The following ANK1 variants were observed in gnomAD, a reference collection of about 807,000 sequenced individuals.
ANK1 encodes the protein ankyrin-1.
A neutral mutation model predicts 210.4 loss-of-function variants in ANK1; 51 were observed. That is an observed-to-expected ratio of 0.24 (90% confidence interval 0.19 to 0.31). The LOEUF (loss-of-function observed/expected upper bound fraction) is 0.31. ANK1 is among the 10% of genes least tolerant of loss of function. ANK1 has a pLI of 1.00. For missense variants in ANK1, 2,051 were observed against 2,504.4 expected (o/e 0.82, Z 3.86); for synonymous variants, 967 against 1,025.9 (o/e 0.94, Z 1.10).
chr8:41,802,995 G>GAGAAAGAGAGAAAGAGAGAAAGAA, intron 1 of ANK1, among the ~76,000 whole-genome samples: 1 of 57,532 alleles, frequency 1.7e-5, no homozygotes, highest in Middle Eastern at 0.01. Context: ...GAGAGAAAGA[G>GAGAAAGAGAGAAAGAGAGAAAGAA]AGAAAGAAAG....
intron 42 of ANK1, chr8:41,660,340 C>G (rs745579447): frequency 1.8e-5 from 8 of 440,410 alleles, no homozygotes; most frequent in Non-Finnish European, 3.6e-5. Flanking sequence ...CCTTGCTGCT[C>G]GGTCCCAGAG....
chr8:41,771,912 G>A lies in ANK1; in HGVS notation c.28-13775C>T, dbSNP rs367954930. ...CTGTCAATTCCTGCAGGGATTTCAC[G>A]AGCTGGAAGAACACAAGCCTGCAGC... On this transcript the variant is annotated intron_variant, in intron 1 of 42. Transcript: ENST00000289734. 6.6e-5 allele frequency among the ~76,000 whole-genome samples: 10 copies of A among 152,194 alleles called. No homozygotes were observed. In the East Asian group the frequency reaches 1.2e-3, roughly 18 times the overall value.
At chr8:41,695,393 G>C (rs1820594871) in intron 26 of ANK1, 62 bp from the exon 27 acceptor site, 2 of 1,606,984 alleles carry the variant, frequency 1.2e-6, no homozygotes, top group Admixed American at 1.7e-5. Flanking sequence ...GGCACAGGGA[G>C]GGATGGGGCT....
chr8:41,715,740 G>C lies in ANK1; in HGVS notation c.1514C>G (p.Thr505Ser). 1 of 1,614,210 alleles carries C rather than the reference G, an allele frequency of 6.2e-7. No homozygotes were observed. Among genetic ancestry groups the C allele is most frequent in the Non-Finnish European group, 8.5e-7 (1 of 1,180,044 alleles). Residue 505 changes from threonine (T) to serine (S), a missense_variant, in exon 14 of 43, where the codon ACC becomes AGC. Physicochemically the swap from Thr to Ser is moderately conservative, Grantham distance 58 (BLOSUM62 1). Transcript: ENST00000289734. Reference sequence around the variant, plus strand: ...CTCACGGGCTGCAATGTGCAGGGGGGTGTGCCCGGCGGTGGTGGCCAGGTT... The same window carrying C: ...CTCACGGGCTGCAATGTGCAGGGGGCTGTGCCCGGCGGTGGTGGCCAGGTT... The part of the protein sequence containing the change: ...NPNLATTAGH[T>S]PLHIAAREGH...
chr8:41,858,028 G>A (rs1812541121), intron 1 of ANK1, among the ~76,000 whole-genome samples: 1 of 152,066 alleles, frequency 6.6e-6, no homozygotes, highest in Admixed American at 6.5e-5. Flanking sequence ...AGGAGTTTGA[G>A]GCCATCCTGG....
chr8:41,780,482 G>A (rs1845051037), intron 1 of ANK1, among the ~76,000 whole-genome samples: 1 of 152,228 alleles, frequency 6.6e-6, no homozygotes, highest in African/African-American at 2.4e-5. Flanking sequence ...TCTTCTCTGG[G>A]GGGTGAGACG....
intron 27 of ANK1, 53 bp downstream of exon 27, chr8:41,695,124 C>G: frequency 6.2e-7 from 1 of 1,611,812 alleles, no homozygotes; most frequent in Middle Eastern, 1.6e-4. Flanking sequence ...AGGTGCAACT[C>G]AAACCCCTCT....
chr8:41,896,560 G>A, exon 1 of ANK1: 2 of 1,502,196 alleles, frequency 1.3e-6, no homozygotes, highest in East Asian at 2.7e-5. Context: ...CCTAAGAAGG[G>A]GAAGGGGGTC....
At chr8:41,822,962 G>A (rs1381259594) in intron 1 of ANK1, among the ~76,000 whole-genome samples, 2 of 152,182 alleles carry the variant, frequency 1.3e-5, no homozygotes, top group African/African-American at 2.4e-5. Context: ...GCTGAGCACC[G>A]CTGAGCCTGC....
At chr8:41,868,107 C>T (rs1268850136) in intron 1 of ANK1, among the ~76,000 whole-genome samples, 2 of 152,228 alleles carry the variant, frequency 1.3e-5, no homozygotes. Context: ...GATCCACCAG[C>T]CTTGGCCTCC....
chr8:41,712,848 A>T (rs1826522248), intron 16 of ANK1, among the ~76,000 whole-genome samples: 1 of 152,156 alleles, frequency 6.6e-6, no homozygotes, highest in Admixed American at 6.5e-5. Context: ...CGTTCCTTTT[A>T]TATAAGTAGG....
At chr8:41,806,051 G>A (rs904568718) in intron 1 of ANK1, among the ~76,000 whole-genome samples, 11 of 152,218 alleles carry the variant, frequency 7.2e-5, no homozygotes, top group African/African-American at 2.7e-4. Context: ...TTGCAAGAGA[G>A]GGAAAGTGAA....
chr8:41,704,374 C>T lies in ANK1; in HGVS notation c.2196G>A (p.Lys732=). Residue 732 remains lysine (K), a splice_region_variant and synonymous_variant, in exon 19 of 43, where the codon AAG becomes AAA. Coordinates refer to ENST00000289734, the MANE Select transcript of ANK1 (RefSeq NM_000037.4). This position sits in a 1 kb window ranked among gnomAD's most constrained non-coding sequence, Gnocchi z 4.1. ...QHQADVNAKT[K]LGYSPLHQAA... ...AGTCGGGGCTGGGGCACCCCTGTACCTTGGTCTTGGCATTGACATCTGCCT... is the reference window on the plus strand; with the variant it reads ...AGTCGGGGCTGGGGCACCCCTGTACTTTGGTCTTGGCATTGACATCTGCCT... The T allele has an allele frequency of 6.2e-7, 1 of 1,614,004 alleles. No individual in the cohort carries two copies. The highest frequency in any genetic ancestry group is 1.7e-5 in the Admixed American group (1 of 60,030).
At position 41,694,573 on chromosome 8, in the gene ANK1, C is replaced by A. The variant is rs200871595; in HGVS notation, c.3327+19G>T. On this transcript the variant is annotated intron_variant, in intron 28 of 42. Coordinates refer to ENST00000289734, the MANE Select transcript of ANK1 (RefSeq NM_000037.4). This position sits in a 1 kb window ranked among gnomAD's most constrained non-coding sequence, Gnocchi z 5.7. ...AGTTCAGTCCACCCCCAGGACCTGG[C>A]GGGGAGGAGGGCTGTCACCTGCAGA... The A allele has an allele frequency of 8.6e-4, 1,385 of 1,608,394 alleles. 1 individual carries two copies. Among genetic ancestry groups the A allele is most frequent in the Non-Finnish European group, 1.1e-3 (1,273 of 1,177,696 alleles).
At chr8:41,705,087 G>C (rs1824193119) in intron 18 of ANK1, among the ~76,000 whole-genome samples, 1 of 152,218 alleles carries the variant, frequency 6.6e-6, no homozygotes, top group African/African-American at 2.4e-5. Flanking sequence ...CAAGGGCTTG[G>C]GACATTCGCT....
intron 1 of ANK1, among the ~76,000 whole-genome samples, chr8:41,851,926 T>C (rs765802778): frequency 2.6e-5 from 4 of 152,186 alleles, no homozygotes; most frequent in Admixed American, 6.5e-5. Context: ...TCCTCTACCA[T>C]TGGCCCCCAG....
intron 1 of ANK1, among the ~76,000 whole-genome samples, chr8:41,809,365 C>T (rs1802126703): frequency 6.6e-6 from 1 of 152,194 alleles, no homozygotes. Flanking sequence ...ATAGAAATAA[C>T]GTGGAGCAAT....
At position 41,727,431 on chromosome 8, in the gene ANK1, G is replaced by A. The variant is rs1030469921; in HGVS notation, c.328-83C>T. Reference sequence around the variant, plus strand: ...CCAGCACAACGTCCTCTCACCTGGAGGACAGCGCTCTCTTCATTCCATTTC... The same window carrying A: ...CCAGCACAACGTCCTCTCACCTGGAAGACAGCGCTCTCTTCATTCCATTTC... On this transcript the variant is annotated intron_variant, in intron 4 of 42. Coordinates refer to ENST00000289734, the MANE Select transcript of ANK1 (RefSeq NM_000037.4). 4 of 965,716 alleles carry A rather than the reference G, an allele frequency of 4.1e-6. No homozygotes were observed. In the African/African-American group the frequency reaches 6.4e-5, roughly 15 times the overall value. 59.8% of individuals were successfully genotyped at this position (965,716 alleles called of 1,614,324 possible).
intron 1 of ANK1, among the ~76,000 whole-genome samples, chr8:41,849,977 A>C (rs1256158573): frequency 6.6e-6 from 1 of 152,058 alleles, no homozygotes; most frequent in African/African-American, 2.4e-5. Context: ...TCCTCTGATC[A>C]CGCTGTCAGA....
Sources: allele counts gnomAD v4.1 joint callset (sites outside exome capture counted in the v4.1 genomes callset), GRCh38; gene constraint gnomAD v4.1.1; non-coding constraint Gnocchi (gnomAD v3.1); transcripts MANE v1.5; gene names NCBI Gene and HGNC (gene_info 2026-07-23, HGNC 2026-07-21).